Variants in MCCC2 observed in about 807,000 individuals in gnomAD.
MCCC2 encodes the protein methylcrotonoyl-CoA carboxylase beta chain, mitochondrial.
Under a neutral mutation model 77.2 loss-of-function variants are expected in MCCC2, and 52 were observed. The ratio of observed to expected loss-of-function variants is 0.67; its 90% CI spans 0.54 to 0.85. The LOEUF (loss-of-function observed/expected upper bound fraction) is 0.85. MCCC2 is among the 40% of genes least tolerant of loss of function. The pLI is 0.00. For synonymous variants in MCCC2, 253 were observed against 248.4 expected, an observed-to-expected ratio of 1.02 and a Z score of -0.18; for missense variants, 682 against 703.2, an observed-to-expected ratio of 0.97 and a Z score of 0.34.
Position 71,592,963 on chromosome 5 carries a change from T to C in MCCC2, c.167T>C (p.Leu56Pro), listed in dbSNP as rs1745039415. Residue 56 changes from leucine to proline, a missense_variant, in exon 2 of 17, where the codon CTC (leucine) becomes CCC (proline). Transcript: ENST00000340941. ...YKQMKALVNQLHERVEHIKLG... is the reference protein window; with the variant it reads ...YKQMKALVNQPHERVEHIKLG... ...CAGATGAAAGCACTAGTAAATCAGC[T>C]CCATGAACGAGTGGAGCATATAAAA... 1 of 1,613,346 alleles carries C rather than the reference T, an allele frequency of 6.2e-7. No homozygotes were observed. The highest frequency in any genetic ancestry group is 8.5e-7 in the Non-Finnish European group (1 of 1,179,726).
At chr5:71,646,298 G>A (rs759376927) in intron 13 of MCCC2, 21 bp downstream of exon 13, 1 of 1,609,240 alleles carries the variant, frequency 6.2e-7, no homozygotes, top group Non-Finnish European at 8.5e-7. Context: ...AGCTTAATCA[G>A]TTTGGTTGTA....
At chr5:71,626,016 C>T (rs1746519096) in intron 6 of MCCC2, among the ~76,000 whole-genome samples, 4 of 152,108 alleles carry the variant, frequency 2.6e-5, no homozygotes, top group Admixed American at 2.6e-4. Flanking sequence ...AATTTCTGAG[C>T]AAGATTTTTT....
chr5:71,595,223 A>T (rs1246733998), intron 2 of MCCC2, among the ~76,000 whole-genome samples: 1 of 151,534 alleles, frequency 6.6e-6, no homozygotes, highest in East Asian at 1.9e-4. Flanking sequence ...GGAGAATTGC[A>T]TGAAGCCAGG....
intron 6 of MCCC2, among the ~76,000 whole-genome samples, chr5:71,612,432 A>T (rs1266397283): frequency 6.6e-6 from 1 of 152,190 alleles, no homozygotes; most frequent in Non-Finnish European, 1.5e-5. Context: ...TATTTATCTA[A>T]ATAGAAACTT....
chr5:71,602,717 G>T, intron 5 of MCCC2, 84 bp downstream of exon 5: 6 of 1,583,878 alleles, frequency 3.8e-6, no homozygotes, highest in Non-Finnish European at 5.2e-6. Context: ...TTACATTTGG[G>T]ATGGGTATTT....
chr5:71,644,149 G>A (rs983761282), intron 12 of MCCC2, among the ~76,000 whole-genome samples: 6 of 150,884 alleles, frequency 4.0e-5, no homozygotes, highest in Admixed American at 6.6e-5. Flanking sequence ...ATGCTGTGAC[G>A]AACCATCTGG....
chr5:71,608,919 G>A (rs1580290456), intron 6 of MCCC2, among the ~76,000 whole-genome samples: 1 of 152,132 alleles, frequency 6.6e-6, no homozygotes, highest in Non-Finnish European at 1.5e-5. Flanking sequence ...TGGCTTGTAG[G>A]TTTCTGCCGA....
chr5:71,592,077 T>G (rs574105734), intron 1 of MCCC2, among the ~76,000 whole-genome samples: 25 of 152,242 alleles, frequency 1.6e-4, no homozygotes, highest in African/African-American at 5.8e-4. Context: ...CTGTTCTTTT[T>G]AAAACATAAA....
At chr5:71,641,098 A>G in intron 11 of MCCC2, 23 bp downstream of exon 11, 1 of 1,597,456 alleles carries the variant, frequency 6.3e-7, no homozygotes, top group South Asian at 1.1e-5. Context: ...AGAATTGAAA[A>G]TACGAACATT....
At chr5:71,615,809 C>G (rs972928658) in intron 6 of MCCC2, among the ~76,000 whole-genome samples, 2 of 152,024 alleles carry the variant, frequency 1.3e-5, no homozygotes, top group Non-Finnish European at 2.9e-5. Flanking sequence ...TCTTTGACCC[C>G]CATTCTTGTC....
chr5:71,639,070 G>A (rs1747031906), intron 10 of MCCC2, among the ~76,000 whole-genome samples: 1 of 152,332 alleles, frequency 6.6e-6, no homozygotes, highest in Non-Finnish European at 1.5e-5. Context: ...AAATACGTAT[G>A]CTGTCATCCA....
At chr5:71,654,209 C>G (rs1024647693) in intron 16 of MCCC2, among the ~76,000 whole-genome samples, 1 of 152,140 alleles carries the variant, frequency 6.6e-6, no homozygotes, top group African/African-American at 2.4e-5. Context: ...GTTGGCCAGG[C>G]TGGTCTTGAA....
At chr5:71,608,551 T>C (rs911417577) in intron 6 of MCCC2, among the ~76,000 whole-genome samples, 4 of 151,458 alleles carry the variant, frequency 2.6e-5, no homozygotes, top group African/African-American at 7.3e-5. Context: ...CTGTGTCTTT[T>C]AATTGGAGCA....
intron 7 of MCCC2, among the ~76,000 whole-genome samples, chr5:71,630,572 T>C (rs915510956): frequency 6.6e-6 from 1 of 152,186 alleles, no homozygotes; most frequent in Non-Finnish European, 1.5e-5. Context: ...CAGACACCTC[T>C]TATAATTTGT....
intron 6 of MCCC2, among the ~76,000 whole-genome samples, chr5:71,626,150 G>A (rs577414212): frequency 2.0e-5 from 3 of 152,182 alleles, no homozygotes; most frequent in African/African-American, 7.2e-5. Context: ...GCTTTAAACT[G>A]CAATCTTAAC....
chr5:71,597,221 G>C (rs1271581150), intron 3 of MCCC2, among the ~76,000 whole-genome samples: 1 of 152,106 alleles, frequency 6.6e-6, no homozygotes, highest in African/African-American at 2.4e-5. Flanking sequence ...AGGTAATGCT[G>C]GTATGCTCAA....
chr5:71,614,937 T>G (rs1353178090), intron 6 of MCCC2, among the ~76,000 whole-genome samples: 1 of 152,208 alleles, frequency 6.6e-6, no homozygotes, highest in African/African-American at 2.4e-5. Flanking sequence ...TTCTGCTGTT[T>G]TTGAAGCTTT....
intron 6 of MCCC2, among the ~76,000 whole-genome samples, chr5:71,611,021 G>A (rs2112358853): frequency 6.6e-6 from 1 of 152,140 alleles, no homozygotes; most frequent in Admixed American, 6.5e-5. Flanking sequence ...AGGAAAACAG[G>A]GTTTAAAAAG....
chr5:71,592,742 G>A (rs910138412), intron 1 of MCCC2, 184 bp from the exon 2 acceptor site: 5 of 640,246 alleles, frequency 7.8e-6, no homozygotes, highest in African/African-American at 3.7e-5. Context: ...AAGACAGGCA[G>A]GGGTGAATCT....
Sources: gnomAD v4.1 joint callset for allele counts (sites outside exome capture counted in the v4.1 genomes callset) on GRCh38, gnomAD v4.1.1 for gene constraint, MANE v1.5 for transcripts, NCBI Gene and HGNC (gene_info 2026-07-23, HGNC 2026-07-21) for gene names.